Variants in MACROD2 observed in about 807,000 individuals in gnomAD.
The protein encoded by MACROD2 is mono-ADP ribosylhydrolase 2, also known as ADP-ribose glycohydrolase MACROD2.
In MACROD2, 36 loss-of-function variants were observed where a neutral mutation model predicts 70.4. The observed-to-expected ratio is 0.51, with a 90% CI of 0.39 to 0.68. The LOEUF is 0.68. Among genes scored for constraint, MACROD2 ranks in the 30% least tolerant of loss-of-function variants. MACROD2 has a pLI of 0.00. For synonymous variants in MACROD2, 172 were observed against 178.8 expected (o/e 0.96, Z 0.30); for missense variants, 496 against 538.4 (o/e 0.92, Z 0.78).
chr20:14,175,408 T>A (rs1227672991), intron 3 of MACROD2, among the ~76,000 whole-genome samples: 1 of 152,074 alleles, frequency 6.6e-6, no homozygotes. Flanking sequence ...GTGTTCTGTG[T>A]TCCTATGATT....
chr20:14,601,076 T>G (rs536229664), intron 4 of MACROD2, among the ~76,000 whole-genome samples: 12 of 151,878 alleles, frequency 7.9e-5, no homozygotes, highest in African/African-American at 2.4e-4. Context: ...TATAGAGAGT[T>G]AAATCACATA....
At chr20:15,405,193 T>C (rs906358920) in intron 6 of MACROD2, among the ~76,000 whole-genome samples, 5 of 151,186 alleles carry the variant, frequency 3.3e-5, no homozygotes, top group African/African-American at 9.7e-5. Context: ...AAAAGTGTTA[T>C]GGAATTAGGC....
chr20:14,932,300 G>C (rs534500623), intron 5 of MACROD2, among the ~76,000 whole-genome samples: 7 of 152,058 alleles, frequency 4.6e-5, no homozygotes, highest in African/African-American at 1.5e-4. Flanking sequence ...AGGAACAGCC[G>C]TGACACTCAC....
rs189333424 is a variant in MACROD2, at chr20:14,971,082, C to T, written c.419-258858C>T. On this transcript the variant is annotated intron_variant, in intron 5 of 17. Transcript: ENST00000684519. ...TGACGTAGTATTTGCATATAACTTACGCACATTCTCCTGTAGACTTTCAAT... is the reference window on the plus strand; with the variant it reads ...TGACGTAGTATTTGCATATAACTTATGCACATTCTCCTGTAGACTTTCAAT... 4.6e-5 allele frequency among the ~76,000 whole-genome samples: 7 copies of T among 152,268 alleles called. 1 individual carries two copies. The highest frequency in any genetic ancestry group is 2.1e-4 in the South Asian group (1 of 4,820).
intron 3 of MACROD2, among the ~76,000 whole-genome samples, chr20:14,182,108 T>G (rs548852187): frequency 6.6e-6 from 1 of 152,320 alleles, no homozygotes; most frequent in African/African-American, 2.4e-5. Flanking sequence ...CTACCAGCCA[T>G]GTATGAGGGT....
At chr20:15,132,996 C>T (rs6110526) in intron 5 of MACROD2, among the ~76,000 whole-genome samples, 61,824 of 151,836 alleles carry the variant, frequency 0.41, 14,670 homozygotes, top group African/African-American at 0.64. Flanking sequence ...CTAATTGTTG[C>T]AGAAAAGGAT....
At chr20:14,145,644 A>G (rs952168945) in intron 3 of MACROD2, among the ~76,000 whole-genome samples, 4 of 152,192 alleles carry the variant, frequency 2.6e-5, no homozygotes, top group Non-Finnish European at 5.9e-5. Flanking sequence ...AATTCTTTTC[A>G]CTTTCTCAAA....
At chr20:14,085,813 G>GA (rs1404276343) in intron 3 of MACROD2, 85 bp downstream of exon 3, 6 of 738,574 alleles carry the variant, frequency 8.1e-6, no homozygotes, top group Admixed American at 3.5e-5. Context: ...AAGTATTTTA[G>GA]AAAAAAATGC....
At chr20:15,255,056 G>C (rs1445801384) in intron 6 of MACROD2, among the ~76,000 whole-genome samples, 1 of 149,556 alleles carries the variant, frequency 6.7e-6, no homozygotes, top group African/African-American at 2.5e-5. Flanking sequence ...ATTCCAGAAA[G>C]CTTTGGGTAT....
intron 6 of MACROD2, among the ~76,000 whole-genome samples, chr20:15,314,279 GAA>G (rs747634672): frequency 1.4e-5 from 2 of 146,084 alleles, no homozygotes; most frequent in Non-Finnish European, 3.0e-5. Context: ...AATCGAAAAA[GAA>G]AAAAAAAAGG....
intron 3 of MACROD2, among the ~76,000 whole-genome samples, chr20:14,214,358 A>G (rs1376967287): frequency 6.6e-6 from 1 of 152,148 alleles, no homozygotes; most frequent in African/African-American, 2.4e-5. Context: ...TGTGAACTCC[A>G]GCTCAATTTC....
intron 7 of MACROD2, among the ~76,000 whole-genome samples, chr20:15,480,990 T>G (rs6110624): frequency 0.61 from 92,241 of 152,068 alleles, 29,584 homozygotes; most frequent in Non-Finnish European, 0.71. Flanking sequence ...AATTTCTGCA[T>G]TTAAAACATC....
At chr20:14,006,130 G>C (rs1213540770) in intron 2 of MACROD2, among the ~76,000 whole-genome samples, 1 of 152,178 alleles carries the variant, frequency 6.6e-6, no homozygotes, top group Non-Finnish European at 1.5e-5. Flanking sequence ...GTAACATGCT[G>C]TATGGGTTTT....
chr20:15,206,877 C>T (rs1420477968), intron 5 of MACROD2, among the ~76,000 whole-genome samples: 1 of 151,220 alleles, frequency 6.6e-6, no homozygotes, highest in East Asian at 1.9e-4. Context: ...GCTGGGACTA[C>T]AGGCGCCCGC....
At chr20:14,211,859 C>T (rs1333205980) in intron 3 of MACROD2, among the ~76,000 whole-genome samples, 1 of 152,110 alleles carries the variant, frequency 6.6e-6, no homozygotes, top group Non-Finnish European at 1.5e-5. Context: ...TGGTAATAGT[C>T]ACTACAGTGC....
intron 3 of MACROD2, among the ~76,000 whole-genome samples, chr20:14,151,809 A>ATCTTTTTT: frequency 9.6e-6 from 1 of 103,948 alleles, no homozygotes; most frequent in Non-Finnish European, 2.0e-5. Context: ...GTTGTATTGT[A>ATCTTTTTT]TCTTTTTTTT....
chr20:14,057,557 C>T (rs574073409), intron 2 of MACROD2, among the ~76,000 whole-genome samples: 3 of 152,186 alleles, frequency 2.0e-5, no homozygotes, highest in Non-Finnish European at 2.9e-5. Context: ...AAGTGGAGAG[C>T]GATGCACCTC....
chr20:15,744,829 A>T (rs1236190877), intron 8 of MACROD2, among the ~76,000 whole-genome samples: 1 of 151,878 alleles, frequency 6.6e-6, no homozygotes, highest in Non-Finnish European at 1.5e-5. Context: ...ACTTTTTTTA[A>T]AATTTTTTAT....
intron 8 of MACROD2, among the ~76,000 whole-genome samples, chr20:15,778,125 A>T (rs1381687365): frequency 6.6e-6 from 1 of 152,196 alleles, no homozygotes; most frequent in African/African-American, 2.4e-5. Context: ...AGAGAAAAGG[A>T]TAAAAACCCT....
Sources: allele counts gnomAD v4.1 joint callset (sites outside exome capture counted in the v4.1 genomes callset), GRCh38; gene constraint gnomAD v4.1.1; transcripts MANE v1.5; gene names NCBI Gene and HGNC (gene_info 2026-07-23, HGNC 2026-07-21).